FILIP1L: variants seen among roughly 807,000 people sequenced by gnomAD.
FILIP1L encodes filamin A interacting protein 1 like.
A neutral mutation model predicts 96.6 loss-of-function variants in FILIP1L; 55 were observed. That is an observed-to-expected ratio of 0.57 (90% CI 0.46 to 0.71). The LOEUF (loss-of-function observed/expected upper bound fraction) is 0.71. Ranked by LOEUF, FILIP1L falls within the 30% of genes least tolerant of loss-of-function variation. The pLI, the probability that FILIP1L is intolerant of heterozygous loss-of-function variation, is 0.00. For missense variants in FILIP1L, 1,304 were observed against 1,321.2 expected, an observed-to-expected ratio of 0.99 and a Z score of 0.20; for synonymous variants, 467 against 473.9, an observed-to-expected ratio of 0.99 and a Z score of 0.19.
intron 1 of FILIP1L, among the ~76,000 whole-genome samples, chr3:100,036,533 A>G (rs2065110962): frequency 6.6e-6 from 1 of 152,242 alleles, no homozygotes; most frequent in African/African-American, 2.4e-5. Context: ...GGTAGATACT[A>G]CATGTGTAAG....
chr3:99,919,121 G>C (rs533091940), intron 4 of FILIP1L, among the ~76,000 whole-genome samples: 3 of 152,122 alleles, frequency 2.0e-5, no homozygotes, highest in African/African-American at 7.2e-5. Flanking sequence ...CTTAAAAGCT[G>C]AGATTTAAGA....
chr3:100,095,475 G>A (rs565024339), intron 1 of FILIP1L, among the ~76,000 whole-genome samples: 1 of 152,058 alleles, frequency 6.6e-6, no homozygotes, highest in Admixed American at 6.5e-5. Context: ...ATATACTACA[G>A]TGAACTTAAT....
chr3:99,863,927 C>T (rs900379837), intron 4 of FILIP1L, among the ~76,000 whole-genome samples: 2 of 152,156 alleles, frequency 1.3e-5, no homozygotes, highest in Non-Finnish European at 2.9e-5. Context: ...TGCAGCCAAA[C>T]ATTTCTTGGA....
At chr3:99,931,431 C>T (rs1436113777) in intron 1 of FILIP1L, among the ~76,000 whole-genome samples, 1 of 152,154 alleles carries the variant, frequency 6.6e-6, no homozygotes, top group African/African-American at 2.4e-5. Context: ...TTCTAACTTT[C>T]TTCAGATTTA....
At chr3:100,015,078 G>A (rs977960603) in intron 1 of FILIP1L, among the ~76,000 whole-genome samples, 5 of 151,056 alleles carry the variant, frequency 3.3e-5, no homozygotes, top group African/African-American at 7.3e-5. Flanking sequence ...TGTATTGTAC[G>A]AGATAAGGGT....
chr3:99,833,635 A>G (rs567251788), intron 5 of FILIP1L, among the ~76,000 whole-genome samples: 1 of 152,288 alleles, frequency 6.6e-6, no homozygotes, highest in Admixed American at 6.5e-5. Flanking sequence ...AGTGCTTTGA[A>G]CTTTTTGATC....
chr3:99,935,269 A>AG (rs1176778147), intron 1 of FILIP1L, among the ~76,000 whole-genome samples: 1 of 151,512 alleles, frequency 6.6e-6, no homozygotes, highest in Admixed American at 6.6e-5. Flanking sequence ...GGGTACCAAA[A>AG]AAAAAAAAAG....
chr3:99,883,781 G>A (rs746901390), intron 4 of FILIP1L, among the ~76,000 whole-genome samples: 6 of 152,238 alleles, frequency 3.9e-5, no homozygotes, highest in East Asian at 1.9e-4. Context: ...GACACTACAC[G>A]CTTTACAAAT....
Position 99,850,960 on chromosome 3 carries a change from G to T in FILIP1L, c.716C>A (p.Ala239Asp). The T allele has an allele frequency of 6.2e-7, 1 of 1,614,142 alleles. No individual in the cohort carries two copies. Among genetic ancestry groups the T allele is most frequent in the South Asian group, 1.1e-5 (1 of 91,078 alleles). ...KEELTKLKSF[A>D]LMVVDEQQRL... is the part of the protein sequence containing the mutation. Reference sequence around the variant, plus strand: ...TTGCTGTTCATCCACCACCATCAAAGCAAAAGACTTCAGCTTGGTCAGCTC... The same window carrying T: ...TTGCTGTTCATCCACCACCATCAAATCAAAAGACTTCAGCTTGGTCAGCTC... Residue 239 changes from alanine to aspartate, a missense_variant, in exon 5 of 6, where the codon GCT (alanine) becomes GAT (aspartate). Transcript: ENST00000477258.
At chr3:100,076,426 T>C (rs2065851730) in intron 1 of FILIP1L, among the ~76,000 whole-genome samples, 1 of 152,232 alleles carries the variant, frequency 6.6e-6, no homozygotes, top group Non-Finnish European at 1.5e-5. Flanking sequence ...CTTTTATCAT[T>C]GTCAGCATGT....
intron 4 of FILIP1L, among the ~76,000 whole-genome samples, chr3:99,859,832 A>G (rs1005445561): frequency 6.6e-6 from 1 of 152,116 alleles, no homozygotes; most frequent in Non-Finnish European, 1.5e-5. Context: ...TTTCTATGGG[A>G]CTTTTCACTG....
rs1194082504 is a variant in FILIP1L at position 99,871,857 on chromosome 3, T to A, written c.606-20787A>T. ...AGGACCTTTAAATACACTTATTTTT[T>A]ATTTTCTCTTTCCTCCCTTTATCAC... On this transcript the variant is annotated intron_variant, in intron 4 of 5. Coordinates refer to ENST00000477258, the MANE Select transcript of FILIP1L (RefSeq NM_001387850.1). Among the ~76,000 whole-genome samples the A allele has an allele frequency of 2.0e-5, 3 of 152,226 alleles. No homozygotes were observed. The East Asian group carries it at 5.8e-4, about 29-fold the overall frequency.
chr3:99,948,345 A>T (rs571983578), intron 1 of FILIP1L, among the ~76,000 whole-genome samples: 2 of 152,014 alleles, frequency 1.3e-5, no homozygotes, highest in African/African-American at 2.4e-5. Flanking sequence ...TAAAAAAATT[A>T]AAAAATTTTT....
At chr3:99,965,477 T>C (rs555136391) in intron 1 of FILIP1L, among the ~76,000 whole-genome samples, 2 of 152,356 alleles carry the variant, frequency 1.3e-5, no homozygotes, top group East Asian at 3.9e-4. Context: ...GGAATTGAGA[T>C]AAATGTTAAA....
chr3:100,057,411 A>G (rs2065483194), intron 1 of FILIP1L, among the ~76,000 whole-genome samples: 1 of 152,224 alleles, frequency 6.6e-6, no homozygotes, highest in African/African-American at 2.4e-5. Flanking sequence ...AAAAGCCCAG[A>G]CCTTTCAAGC....
At chr3:99,913,244 A>C (rs1706848403) in intron 4 of FILIP1L, among the ~76,000 whole-genome samples, 1 of 152,224 alleles carries the variant, frequency 6.6e-6, no homozygotes, top group South Asian at 2.1e-4. Context: ...CAGCGGACTA[A>C]GGCAATAATT....
intron 1 of FILIP1L, among the ~76,000 whole-genome samples, chr3:100,096,880 T>C (rs1252182018): frequency 1.3e-5 from 2 of 152,118 alleles, no homozygotes; most frequent in African/African-American, 4.8e-5. Flanking sequence ...ATATACCCCA[T>C]AAATATATAC....
At chr3:99,860,328 G>A (rs574714506) in intron 4 of FILIP1L, among the ~76,000 whole-genome samples, 1 of 152,166 alleles carries the variant, frequency 6.6e-6, no homozygotes, top group Non-Finnish European at 1.5e-5. Context: ...GTCAGGAGAA[G>A]TGAAATAAGA....
chr3:99,979,530 G>C (rs891397416), intron 1 of FILIP1L, among the ~76,000 whole-genome samples: 1 of 152,116 alleles, frequency 6.6e-6, no homozygotes, highest in Admixed American at 6.5e-5. Context: ...TTCTTTCCCA[G>C]ATTTTTTTAA....
Sources: gnomAD v4.1 joint callset for allele counts (sites outside exome capture counted in the v4.1 genomes callset) on GRCh38, gnomAD v4.1.1 for gene constraint, MANE v1.5 for transcripts, NCBI Gene and HGNC (gene_info 2026-07-23, HGNC 2026-07-21) for gene names.